NAV2: variants seen among roughly 807,000 people sequenced by gnomAD.
The protein encoded by NAV2 is neuron navigator 2, also known as helicase, APC down-regulated 1.
NAV2 carries 54 observed loss-of-function variants against 223.2 expected under a neutral mutation model. The observed-to-expected ratio is 0.24, with a 90% CI of 0.19 to 0.30. The LOEUF (loss-of-function observed/expected upper bound fraction) is 0.30. NAV2 is among the 10% of genes least tolerant of loss of function. NAV2 has a pLI of 1.00. For missense variants in NAV2, 2,806 were observed against 3,147.5 expected (o/e 0.89, Z 2.60); for synonymous variants, 1,279 against 1,239.3 (o/e 1.03, Z -0.67).
intron 1 of NAV2, among the ~76,000 whole-genome samples, chr11:19,792,762 G>C (rs1250011708): frequency 6.6e-6 from 1 of 152,140 alleles, no homozygotes; most frequent in Non-Finnish European, 1.5e-5. Context: ...GAAGCATCAT[G>C]CCAGAGCACA....
chr11:19,518,149 T>TAGG (rs1274840667), intron 1 of NAV2, among the ~76,000 whole-genome samples: 8 of 152,244 alleles, frequency 5.3e-5, no homozygotes, highest in Admixed American at 6.5e-5. Flanking sequence ...TCAACTTTCC[T>TAGG]GGATAACAGA....
intron 1 of NAV2, among the ~76,000 whole-genome samples, chr11:19,362,737 C>G (rs1854028011): frequency 6.6e-6 from 1 of 152,084 alleles, no homozygotes; most frequent in Non-Finnish European, 1.5e-5. Flanking sequence ...TTCTCTGTGC[C>G]TCAGTTTCTT....
At chr11:19,679,395 C>A (rs1421321660) in intron 1 of NAV2, among the ~76,000 whole-genome samples, 2 of 114,904 alleles carry the variant, frequency 1.7e-5, no homozygotes, top group Admixed American at 2.9e-4. Flanking sequence ...TGTGCCACTG[C>A]ACTCCAGCCT....
At chr11:19,938,364 G>T (rs923452947) in intron 7 of NAV2, among the ~76,000 whole-genome samples, 7 of 152,098 alleles carry the variant, frequency 4.6e-5, no homozygotes, top group Non-Finnish European at 8.8e-5. Context: ...CATCTAGATG[G>T]GTGGCTCAGG....
chr11:19,495,906 G>T (rs1233669314), intron 1 of NAV2, among the ~76,000 whole-genome samples: 1 of 152,166 alleles, frequency 6.6e-6, no homozygotes, highest in Non-Finnish European at 1.5e-5. Context: ...GTGACAGCGG[G>T]AGAGGAGATG....
At chr11:19,758,907 TTGATCTTAATTAATTATCCCC>T (rs1271608045) in intron 1 of NAV2, among the ~76,000 whole-genome samples, 8 of 152,056 alleles carry the variant, frequency 5.3e-5, no homozygotes, top group Admixed American at 4.6e-4. Context: ...CAGGAGGTCA[TTGATCTTAATTAATTATCCCC>T]CCTGAGGATT....
intron 1 of NAV2, among the ~76,000 whole-genome samples, chr11:19,647,558 C>T (rs2047852278): frequency 6.6e-6 from 1 of 152,054 alleles, no homozygotes; most frequent in Non-Finnish European, 1.5e-5. Flanking sequence ...GGGAAGGCTC[C>T]AGGACATGTC....
At chr11:19,809,972 C>T (rs190223941) in intron 1 of NAV2, among the ~76,000 whole-genome samples, 24 of 152,216 alleles carry the variant, frequency 1.6e-4, no homozygotes, top group South Asian at 4.2e-4. Context: ...AGTGTTTGGC[C>T]GGTATCTTCA....
intron 1 of NAV2, among the ~76,000 whole-genome samples, chr11:19,458,375 C>T (rs542245500): frequency 6.6e-6 from 1 of 152,310 alleles, no homozygotes; most frequent in Non-Finnish European, 1.5e-5. Flanking sequence ...TACTTGCACA[C>T]GGAATGATTC....
At chr11:19,856,824 T>C (rs1487840206) in intron 3 of NAV2, among the ~76,000 whole-genome samples, 1 of 152,240 alleles carries the variant, frequency 6.6e-6, no homozygotes, top group Non-Finnish European at 1.5e-5. Flanking sequence ...CAAAGGTATT[T>C]GCTTGGCTTT....
At chr11:20,052,067 C>G (rs1352324074) in intron 17 of NAV2, among the ~76,000 whole-genome samples, 1 of 152,224 alleles carries the variant, frequency 6.6e-6, no homozygotes, top group Non-Finnish European at 1.5e-5. Context: ...AATGCCTCCC[C>G]TGTGATCTTG....
chr11:19,974,798 TG>T (rs1349029766), intron 10 of NAV2, among the ~76,000 whole-genome samples: 1 of 152,180 alleles, frequency 6.6e-6, no homozygotes, highest in African/African-American at 2.4e-5. Flanking sequence ...AGCAAAGTGT[TG>T]GGGGGAAGAG....
chr11:19,482,174 A>G (rs2042299544), intron 1 of NAV2, among the ~76,000 whole-genome samples: 1 of 152,220 alleles, frequency 6.6e-6, no homozygotes, highest in African/African-American at 2.4e-5. Context: ...ACATTTTCAC[A>G]ACAACCCAAG....
At chr11:19,854,551 T>A (rs1292461326) in intron 3 of NAV2, among the ~76,000 whole-genome samples, 1 of 152,124 alleles carries the variant, frequency 6.6e-6, no homozygotes, top group African/African-American at 2.4e-5. Flanking sequence ...GTGGGCTGTT[T>A]GTCACAATCT....
intron 1 of NAV2, among the ~76,000 whole-genome samples, chr11:19,646,951 C>A (rs2047832607): frequency 6.6e-6 from 1 of 152,192 alleles, no homozygotes; most frequent in Admixed American, 6.5e-5. Context: ...TACTCCCTCT[C>A]CTAGGCCTCC....
At chr11:19,613,104 C>T (rs995492963) in intron 1 of NAV2, among the ~76,000 whole-genome samples, 2 of 152,130 alleles carry the variant, frequency 1.3e-5, no homozygotes, top group Non-Finnish European at 1.5e-5. Context: ...TATTCACTGT[C>T]ACAAGAAGAG....
In NAV2 at chr11:19,679,292, G is replaced by A. The variant is rs539638963; in HGVS notation, c.76-153192G>A. On this transcript the variant is annotated intron_variant, in intron 1 of 37. Coordinates refer to the NAV2 transcript ENST00000360655. ...CTAAAAATACAAAATTTATCTGGAC[G>A]TGGTGGCACATGCCTGTAGTCTCAG... Among the ~76,000 whole-genome samples, 6 of 152,230 alleles carry A rather than the reference G, an allele frequency of 3.9e-5. No individual in the cohort carries two copies. In the South Asian group the frequency reaches 6.2e-4, roughly 16 times the overall value.
At chr11:19,744,769 C>T (rs2053194292) in intron 1 of NAV2, among the ~76,000 whole-genome samples, 1 of 152,154 alleles carries the variant, frequency 6.6e-6, no homozygotes, top group Non-Finnish European at 1.5e-5. Flanking sequence ...CCATCCTCAC[C>T]ATCCTACAGA....
intron 1 of NAV2, among the ~76,000 whole-genome samples, chr11:19,808,588 A>G (rs534081295): frequency 2.0e-5 from 3 of 152,384 alleles, no homozygotes; most frequent in African/African-American, 7.2e-5. Context: ...AAAGAGATTT[A>G]TAGCAAGTTT....
Sources: gnomAD v4.1 joint callset for allele counts (sites outside exome capture counted in the v4.1 genomes callset) on GRCh38, gnomAD v4.1.1 for gene constraint, MANE v1.5 for transcripts, NCBI Gene and HGNC (gene_info 2026-07-23, HGNC 2026-07-21) for gene names.